Variants in NFKB2 observed in about 807,000 individuals in gnomAD.
NFKB2 encodes the protein nuclear factor kappa B subunit 2.
NFKB2 carries 21 observed loss-of-function variants against 109.3 expected under a neutral mutation model. The ratio of observed to expected loss-of-function variants is 0.19; its 90% CI spans 0.14 to 0.28. The LOEUF is 0.28. Among genes scored for constraint, NFKB2 ranks in the 10% least tolerant of loss-of-function variants. The probability of loss-of-function intolerance (pLI) is 1.00; values close to 1 mark genes in which losing one functional copy is unlikely to be tolerated. For synonymous variants in NFKB2, 478 were observed against 489.9 expected (o/e 0.98, Z 0.32); for missense variants, 806 against 1,185.3 (o/e 0.68, Z 4.70).
At position 102,400,095 on chromosome 10, in the gene NFKB2, C is replaced by T. The variant is rs978574253; in HGVS notation, c.1485C>T (p.Ala495=). Residue 495 remains alanine (A), a synonymous_variant, in exon 15 of 23, where the codon GCC becomes GCT. Coordinates refer to ENST00000661543, the MANE Select transcript of NFKB2 (RefSeq NM_001322934.2). This position sits in a 1 kb window ranked among gnomAD's most constrained non-coding sequence, Gnocchi z 6.3. The part of the protein sequence containing the change: ...DENGDTPLHL[A]IIHGQTSVIE... ...CAACCCCCAGACCACTGCACCTAGC[C>T]ATCATCCACGGGCAGACCAGTGTCA... is the stretch of plus-strand genomic sequence containing the variant. 1.9e-6 allele frequency: 3 copies of T among 1,614,090 alleles called. No homozygotes were observed. Among genetic ancestry groups the T allele is most frequent in the African/African-American group, 1.3e-5 (1 of 75,026 alleles).
Position 102,400,589 on chromosome 10 carries a change from G to C in NFKB2, c.1799-66G>C. 2 of 1,602,608 alleles carry C rather than the reference G, an allele frequency of 1.2e-6. No individual in the cohort carries two copies. Among genetic ancestry groups the C allele is most frequent in the East Asian group, 2.2e-5 (1 of 44,556 alleles). ...GGACTATGAGGTGTCGAGATTGAATGGTCAGGGCTGGTCCAGGGGCTGCCT... is the reference window on the plus strand; with the variant it reads ...GGACTATGAGGTGTCGAGATTGAATCGTCAGGGCTGGTCCAGGGGCTGCCT... On this transcript the variant is annotated intron_variant, in intron 16 of 22. Transcript: ENST00000661543. This position sits in a 1 kb window ranked among gnomAD's most constrained non-coding sequence, Gnocchi z 6.3.
Position 102,401,164 on chromosome 10 carries a change from G to A in NFKB2, c.2072-16G>A, listed in dbSNP as rs779668339. 23 of 1,589,738 alleles carry A rather than the reference G, an allele frequency of 1.4e-5. No individual in the cohort carries two copies. The highest frequency in any genetic ancestry group is 2.3e-5 in the South Asian group (2 of 88,704). Reference sequence around the variant, plus strand: ...GGCCCCCACCATACCGCCCCATGACGGCCTCCCTCTCCCAGGTGCTGACAT... The same window carrying A: ...GGCCCCCACCATACCGCCCCATGACAGCCTCCCTCTCCCAGGTGCTGACAT... On this transcript the variant is annotated splice_polypyrimidine_tract_variant and intron_variant, in intron 18 of 22. Transcript: ENST00000661543. This position sits in a 1 kb window ranked among gnomAD's most constrained non-coding sequence, Gnocchi z 4.2.
In NFKB2 at chr10:102,401,962, A is replaced by C. The variant is rs2061265631; in HGVS notation, c.2466+45A>C. The C allele has an allele frequency of 6.3e-7, 1 of 1,595,182 alleles. No individual in the cohort carries two copies. Among genetic ancestry groups the C allele is most frequent in the Admixed American group, 1.7e-5 (1 of 58,116 alleles). On this transcript the variant is annotated intron_variant, in intron 21 of 22. Transcript: ENST00000661543. This position sits in a 1 kb window ranked among gnomAD's most constrained non-coding sequence, Gnocchi z 4.2. ...GCCCCCTCCCCAGCCTCCTTTCCCG[A>C]TCTGAGTCCAGGTGCCTCCTTGGCC...
intron 14 of NFKB2, 173 bp downstream of exon 14, chr10:102,399,891 AAGGGGTAC>A: frequency 8.9e-7 from 1 of 1,123,744 alleles, no homozygotes; most frequent in South Asian, 1.6e-5. Context: ...TCGACCGTGC[AAGGGGTAC>A]AGTCATAGCA....
chr10:102,402,025 A>G, intron 21 of NFKB2, 23 bp from the exon 22 acceptor site: 2 of 1,571,498 alleles, frequency 1.3e-6, no homozygotes, highest in Non-Finnish European at 1.7e-6. Flanking sequence ...CATGACTCAG[A>G]CCTCATTCCT....
rs1456133373 is a variant in NFKB2, at chr10:102,398,922, A to T, written c.1117+58A>T. 6 of 1,556,034 alleles carry T rather than the reference A, an allele frequency of 3.9e-6. No homozygotes were observed. The East Asian group carries it at 1.3e-4, about 35-fold the overall frequency. On this transcript the variant is annotated intron_variant, in intron 12 of 22. Coordinates refer to ENST00000661543, the MANE Select transcript of NFKB2 (RefSeq NM_001322934.2). This position sits in a 1 kb window ranked among gnomAD's most constrained non-coding sequence, Gnocchi z 6.6. ...GTAAGAGAAGCTGTGGAGGAAAAAA[A>T]TCTGGGGGAGGCCGGGCGTGGTGGC...
Position 102,399,457 on chromosome 10 carries a change from C to T in NFKB2, c.1287C>T (p.Thr429=), listed in dbSNP as rs774239901. The T allele has an allele frequency of 1.3e-5, 19 of 1,506,728 alleles. No individual in the cohort carries two copies. The Admixed American group carries it at 2.0e-4, about 16-fold the overall frequency. 93.3% of individuals were successfully genotyped at this position (1,506,728 alleles called of 1,614,324 possible). ...CGGAGCCAAGCGCCCCCTCCAGGAC[C>T]CCCCAGTGCGAGCCGCAGGCCCCGG... ...EAAEPSAPSR[T]PQCEPQAPEM... The change falls in exon 13 of 23, where the codon ACC becomes ACT. Residue 429 remains threonine (T), a synonymous_variant. Transcript: ENST00000661543.
In NFKB2 at chr10:102,399,381, G is replaced by T; in HGVS notation, c.1211G>T (p.Gly404Val). The T allele has an allele frequency of 6.5e-7, 1 of 1,545,254 alleles. No homozygotes were observed. Among genetic ancestry groups the T allele is most frequent in the East Asian group, 2.4e-5 (1 of 41,496 alleles). The part of the protein sequence containing the change: ...PMGCYPGGGG[G>V]AQMAATVPSR... The stretch of plus-strand genomic sequence containing the variant: ...GGCTGCTACCCGGGAGGCGGGGGCG[G>T]GGCGCAGATGGCCGCCACGGTGCCC... Residue 404 changes from glycine to valine, a missense_variant, in exon 13 of 23, where the codon GGG (glycine) becomes GTG (valine). Coordinates refer to ENST00000661543, the MANE Select transcript of NFKB2 (RefSeq NM_001322934.2).
chr10:102,399,896 G>A (rs974494992), intron 14 of NFKB2, 178 bp downstream of exon 14: 1 of 1,105,876 alleles, frequency 9.0e-7, no homozygotes, highest in East Asian at 2.6e-5. Context: ...CGTGCAAGGG[G>A]TACAGTCATA....
Position 102,395,722 on chromosome 10 carries a change from C to T in NFKB2, c.-147C>T. 1.7e-6 allele frequency: 1 copy of T among 596,622 alleles called. No homozygotes were observed. The highest frequency in any genetic ancestry group is 3.0e-6 in the Non-Finnish European group (1 of 333,456). 37.0% of individuals were successfully genotyped at this position (596,622 alleles called of 1,614,324 possible). A position where few individuals can be genotyped will look rare whatever the true frequency, so the allele number is the denominator to read the frequency against. ...GCTGCTCTAACTTTCCTGCCCCTTC[C>T]CCGGCCAAGCCCAACTCCGGATCTC... On this transcript the variant is annotated 5_prime_UTR_variant, in exon 1 of 23. Coordinates refer to ENST00000661543, the MANE Select transcript of NFKB2 (RefSeq NM_001322934.2).
In NFKB2 at chr10:102,401,960, C is replaced by T. The variant is rs775494032; in HGVS notation, c.2466+43C>T. ...CTGCCCCCTCCCCAGCCTCCTTTCC[C>T]GATCTGAGTCCAGGTGCCTCCTTGG... is the stretch of plus-strand genomic sequence containing the variant. On this transcript the variant is annotated intron_variant, in intron 21 of 22. Coordinates refer to ENST00000661543, the MANE Select transcript of NFKB2 (RefSeq NM_001322934.2). The surrounding 1 kb of genome is among the most constrained non-coding windows in gnomAD (Gnocchi z 4.2). The T allele has an allele frequency of 1.6e-5, 26 of 1,595,618 alleles. No homozygotes were observed. The highest frequency in any genetic ancestry group is 1.7e-4 in the Middle Eastern group (1 of 6,024).
chr10:102,395,167 G>T (rs1276030097), upstream of NFKB2, among the ~76,000 whole-genome samples: 1 of 150,128 alleles, frequency 6.7e-6, no homozygotes, highest in East Asian at 2.0e-4. Flanking sequence ...CCGGTGCGGT[G>T]TGGGACCAGC....
rs2061199713 is a variant in NFKB2, at chr10:102,400,002, G to C, written c.1470-78G>C. ...GGGTTCCATGGGCCCCAGCGAGGGA[G>C]ACTATGAGGGCGGTGGGGCCTTGAA... is the stretch of plus-strand genomic sequence containing the variant. On this transcript the variant is annotated intron_variant, in intron 14 of 22. Coordinates refer to ENST00000661543, the MANE Select transcript of NFKB2 (RefSeq NM_001322934.2). The surrounding 1 kb of genome is among the most constrained non-coding windows in gnomAD (Gnocchi z 6.3). The C allele has an allele frequency of 4.9e-6, 7 of 1,423,028 alleles. No individual in the cohort carries two copies. In the South Asian group the frequency reaches 5.9e-5, roughly 12 times the overall value. 88.2% of individuals were successfully genotyped at this position (1,423,028 alleles called of 1,614,324 possible).
At chr10:102,399,966 G>A in intron 14 of NFKB2, 114 bp from the exon 15 acceptor site, 1 of 1,180,172 alleles carries the variant, frequency 8.5e-7, no homozygotes, top group Admixed American at 2.0e-5. Flanking sequence ...CGATGCCCTG[G>A]GCCACGTGCT....
rs2061183560 is a variant in NFKB2, at chr10:102,399,483, A to C, written c.1313A>C (p.Glu438Ala). ...CCCCAGTGCGAGCCGCAGGCCCCGGAGATGCTGCAGCGAGGTATGGACTCC... is the reference window on the plus strand; with the variant it reads ...CCCCAGTGCGAGCCGCAGGCCCCGGCGATGCTGCAGCGAGGTATGGACTCC... ...RTPQCEPQAPEMLQRAREYNA... is the reference protein window; with the variant it reads ...RTPQCEPQAPAMLQRAREYNA... Residue 438 changes from glutamate (E) to alanine (A), a missense_variant, in exon 13 of 23, where the codon GAG (glutamate) becomes GCG (alanine). Glu to Ala is a moderately radical substitution (Grantham distance 107). Transcript: ENST00000661543. The C allele has an allele frequency of 6.7e-7, 1 of 1,496,154 alleles. No homozygotes were observed. The highest frequency in any genetic ancestry group is 8.9e-7 in the Non-Finnish European group (1 of 1,121,514). The allele number at this position is 1,496,154 out of a possible 1,614,324, so 92.7% of individuals were successfully genotyped here.
chr10:102,398,532 G>C lies in NFKB2; in HGVS notation c.991+9G>C, dbSNP rs2061156681. The C allele has an allele frequency of 1.2e-6, 2 of 1,613,076 alleles. No homozygotes were observed. The highest frequency in any genetic ancestry group is 4.5e-5 in the East Asian group (2 of 44,848). On this transcript the variant is annotated intron_variant, in intron 11 of 22. Coordinates refer to ENST00000661543, the MANE Select transcript of NFKB2 (RefSeq NM_001322934.2). The surrounding 1 kb of genome is among the most constrained non-coding windows in gnomAD (Gnocchi z 6.6). ...TTACCCTCTGGTGGAAGGTGGAGCT[G>C]GGCTGAGGACCTCAGGGTGCTGGCG... is the stretch of plus-strand genomic sequence containing the variant.
Position 102,397,146 on chromosome 10 carries a change from G to A in NFKB2, c.395+91G>A. 3.2e-6 allele frequency: 5 copies of A among 1,564,464 alleles called. No homozygotes were observed. The South Asian group carries it at 4.7e-5, about 15-fold the overall frequency. On this transcript the variant is annotated intron_variant, in intron 6 of 22. Transcript: ENST00000661543. This position sits in a 1 kb window ranked among gnomAD's most constrained non-coding sequence, Gnocchi z 4.7. ...CTCCATGAGCTTAGCATCTGACCAA[G>A]GGGAAAGATGTAGGTTGGCCCCAAA...
At position 102,401,915 on chromosome 10, in the gene NFKB2, G is replaced by A. The variant is rs1274576794; in HGVS notation, c.2464G>A (p.Glu822Lys). ...SPSGSLLRSY[E>K]LAGGDLAGLL... Reference sequence around the variant, plus strand: ...CAGTGGCAGCCTCCTGCGCAGCTACGAGGTGGGTTGGCCTGTGCCCTGCCC... The same window carrying A: ...CAGTGGCAGCCTCCTGCGCAGCTACAAGGTGGGTTGGCCTGTGCCCTGCCC... The change falls in exon 21 of 23, where the codon GAG (glutamate) becomes AAG (lysine). Residue 822 changes from glutamate (E) to lysine (K), a missense_variant and splice_region_variant. Physicochemically the swap from Glu to Lys is moderately conservative, Grantham distance 56. Transcript: ENST00000661543. The surrounding 1 kb of genome is among the most constrained non-coding windows in gnomAD (Gnocchi z 4.2). 6.8e-6 allele frequency: 11 copies of A among 1,610,312 alleles called. No individual in the cohort carries two copies. In the Admixed American group the frequency reaches 8.4e-5, roughly 12 times the overall value.
In NFKB2 at chr10:102,401,972, A is replaced by T. The variant is rs1160882369; in HGVS notation, c.2466+55A>T. ...CAGCCTCCTTTCCCGATCTGAGTCC[A>T]GGTGCCTCCTTGGCCCCAGGGCTCC... On this transcript the variant is annotated intron_variant, in intron 21 of 22. Coordinates refer to ENST00000661543, the MANE Select transcript of NFKB2 (RefSeq NM_001322934.2). The surrounding 1 kb of genome is among the most constrained non-coding windows in gnomAD (Gnocchi z 4.2). 7.5e-5 allele frequency: 119 copies of T among 1,592,030 alleles called. 1 individual carries two copies. In the East Asian group the frequency reaches 2.7e-3, roughly 36 times the overall value.
Sources: allele counts gnomAD v4.1 joint callset (sites outside exome capture counted in the v4.1 genomes callset), GRCh38; gene constraint gnomAD v4.1.1; non-coding constraint Gnocchi (gnomAD v3.1); transcripts MANE v1.5; gene names NCBI Gene and HGNC (gene_info 2026-07-23, HGNC 2026-07-21).